DDX20: variants seen among roughly 807,000 people sequenced by gnomAD.
The protein encoded by DDX20 is DEAD-box helicase 20, also known as probable ATP-dependent RNA helicase DDX20.
In DDX20, 61 loss-of-function variants were observed where a neutral mutation model predicts 76.4. That is an observed-to-expected ratio of 0.80 (90% CI 0.65 to 0.99). DDX20 has a LOEUF of 0.99. DDX20 is among the 50% of genes least tolerant of loss of function. The pLI is 0.00. For missense variants in DDX20, 976 were observed against 996.8 expected, an observed-to-expected ratio of 0.98 and a Z score of 0.28; for synonymous variants, 357 against 357.4, an observed-to-expected ratio of 1.00 and a Z score of 0.01.
rs1357804147 is a variant in DDX20 at position 111,766,719 on chromosome 1, T to G, written c.2295T>G (p.Ser765Arg). Residue 765 changes from serine to arginine, a missense_variant, in exon 11 of 11, where the codon AGT (serine) becomes AGG (arginine). Physicochemically the swap from Ser to Arg is moderately radical, Grantham distance 110. Coordinates refer to ENST00000369702, the MANE Select transcript of DDX20 (RefSeq NM_007204.5). The stretch of plus-strand genomic sequence containing the variant: ...ACTGTCATAGGGAAATACGTCTGAG[T>G]TTTTCTGATACCTATCAGGATTATG... Reference protein sequence around the residue: ...WYDCHREIRLSFSDTYQDYEE... With the variant: ...WYDCHREIRLRFSDTYQDYEE... 6.2e-7 allele frequency: 1 copy of G among 1,613,836 alleles called. No homozygotes were observed. The highest frequency in any genetic ancestry group is 8.5e-7 in the Non-Finnish European group (1 of 1,179,908).
intron 2 of DDX20, among the ~76,000 whole-genome samples, chr1:111,757,701 C>A (rs953923210): frequency 3.9e-5 from 6 of 152,234 alleles, no homozygotes; most frequent in African/African-American, 1.4e-4. Context: ...TTGAGTCCAT[C>A]TTATGTCTAC....
Position 111,765,961 on chromosome 1 carries a change from A to G in DDX20, c.1537A>G (p.Lys513Glu), listed in dbSNP as rs778492452. Residue 513 changes from lysine to glutamate, a missense_variant, in exon 11 of 11, where the codon AAA becomes GAA. By Grantham distance (56) the Lys-to-Glu change is moderately conservative (BLOSUM62 1). Around this residue, in one of 3 missense-constraint regions of DDX20, gnomAD observed 630 missense variants for 693.7 expected, o/e 0.91. Transcript: ENST00000369702. The part of the protein sequence containing the change: ...GLSVKSKNNT[K>E]QKLPVKSHSE... ...ATCAGTCAAATCAAAAAATAATACC[A>G]AACAAAAGCTTCCTGTGAAAAGCCA... 4 of 1,613,402 alleles carry G rather than the reference A, an allele frequency of 2.5e-6. No individual in the cohort carries two copies. The highest frequency in any genetic ancestry group is 3.4e-6 in the Non-Finnish European group (4 of 1,179,892).
At position 111,756,710 on chromosome 1, in the gene DDX20, C is replaced by G. The variant is rs764544043; in HGVS notation, c.366C>G (p.Asp122Glu). 8.1e-6 allele frequency: 13 copies of G among 1,614,142 alleles called. No individual in the cohort carries two copies. The highest frequency in any genetic ancestry group is 3.3e-4 in the Middle Eastern group (2 of 6,062). ...GTGTGTTCTCCACCATAGCTTTGGA[C>G]TCTCTTGTTCTTGAAAACTTAAGTA... The part of the protein sequence containing the change: ...KTCVFSTIAL[D>E]SLVLENLSTQ... The change falls in exon 2 of 11, where the codon GAC (aspartate) becomes GAG (glutamate). Residue 122 changes from aspartate (D) to glutamate (E), a missense_variant. By Grantham distance (45) the Asp-to-Glu change is conservative. Around this residue, in one of 3 missense-constraint regions of DDX20, gnomAD observed 343 missense variants for 286.4 expected, o/e 1.20. Transcript: ENST00000369702.
In DDX20 at chr1:111,756,592, C is replaced by T. The variant is rs1217347652; in HGVS notation, c.302-54C>T. The T allele has an allele frequency of 2.7e-6, 4 of 1,472,952 alleles. No homozygotes were observed. In the African/African-American group the frequency reaches 5.6e-5, roughly 20 times the overall value. 91.2% of individuals were successfully genotyped at this position (1,472,952 alleles called of 1,614,324 possible). On this transcript the variant is annotated intron_variant, in intron 1 of 10. Coordinates refer to ENST00000369702, the MANE Select transcript of DDX20 (RefSeq NM_007204.5). ...CTAGTTCTCTGATTCCATGTTAGCC[C>T]CTAAGTTGCTTCAGTGAGTACTGGC... is the stretch of plus-strand genomic sequence containing the variant.
In DDX20 at chr1:111,766,968, A is replaced by G; in HGVS notation, c.*69A>G. On this transcript the variant is annotated 3_prime_UTR_variant, in exon 11 of 11. Transcript: ENST00000369702. ...TACCTTTGGATATCCATCCTCCTCG[A>G]CTTATAGTACAGTGGTGTATAGTGG... 7.9e-7 allele frequency: 1 copy of G among 1,272,912 alleles called. No homozygotes were observed. Among genetic ancestry groups the G allele is most frequent in the East Asian group, 2.3e-5 (1 of 42,978 alleles). The allele number at this position is 1,272,912 out of a possible 1,614,324, so 78.9% of individuals were successfully genotyped here.
rs1459392791 is a variant in DDX20 at position 111,767,978 on chromosome 1, G to T, written c.*1079G>T. ...TGATGCATCTGTAAATTACGATTTA[G>T]AAAAATATAATTGGAAATTACATAT... On this transcript the variant is annotated 3_prime_UTR_variant, in exon 11 of 11. Coordinates refer to ENST00000369702, the MANE Select transcript of DDX20 (RefSeq NM_007204.5). 1 of 152,134 alleles carries T rather than the reference G, an allele frequency of 6.6e-6. No individual in the cohort carries two copies. Among genetic ancestry groups the T allele is most frequent in the African/African-American group, 2.4e-5 (1 of 41,422 alleles). The allele number at this position is 152,134 out of a possible 1,614,324, so 9.4% of individuals were successfully genotyped here.
Position 111,766,377 on chromosome 1 carries a change from C to G in DDX20, c.1953C>G (p.Asp651Glu), listed in dbSNP as rs924945095. The change falls in exon 11 of 11, where the codon GAC becomes GAG. Residue 651 changes from aspartate to glutamate, a missense_variant. Asp to Glu is a conservative substitution (Grantham distance 45, BLOSUM62 2). Around this residue, in one of 3 missense-constraint regions of DDX20, gnomAD observed 630 missense variants for 693.7 expected, o/e 0.91. Coordinates refer to ENST00000369702, the MANE Select transcript of DDX20 (RefSeq NM_007204.5). ...TGGCAAGTAGTAGCCAATCTGGAGA[C>G]TCTGAGAGTGACAGTGATTCTTACA... Reference protein sequence around the residue: ...PVLASSSQSGDSESDSDSYSS... With the variant: ...PVLASSSQSGESESDSDSYSS... 6 of 1,614,050 alleles carry G rather than the reference C, an allele frequency of 3.7e-6. No homozygotes were observed. In the Admixed American group the frequency reaches 5.0e-5, roughly 13 times the overall value.
chr1:111,764,816 A>AGTAACAACT (rs1663746335), intron 10 of DDX20, among the ~76,000 whole-genome samples: 1 of 152,222 alleles, frequency 6.6e-6, no homozygotes, highest in Non-Finnish European at 1.5e-5. Flanking sequence ...GTGTAACAAC[A>AGTAACAACT]GATGTTCAGA....
intron 2 of DDX20, among the ~76,000 whole-genome samples, chr1:111,758,307 C>G (rs1663605829): frequency 1.3e-5 from 2 of 150,096 alleles, no homozygotes; most frequent in Admixed American, 1.3e-4. Context: ...ATCTTACTAC[C>G]TAGAGAGAAA....
Position 111,765,869 on chromosome 1 carries a change from C to T in DDX20, c.1445C>T (p.Thr482Ile), listed in dbSNP as rs1278560926. 2 of 1,613,974 alleles carry T rather than the reference C, an allele frequency of 1.2e-6. No homozygotes were observed. Among genetic ancestry groups the T allele is most frequent in the African/African-American group, 2.7e-5 (2 of 74,890 alleles). ...AAGCAAATTCAGAAAATAGAGAGAA[C>T]CCTTCAAATTCAGAAAGCTCATGGT... ...LKKQIQKIER[T>I]LQIQKAHGDH... The change falls in exon 11 of 11, where the codon ACC (threonine) becomes ATC (isoleucine). Residue 482 changes from threonine to isoleucine, a missense_variant. Transcript: ENST00000369702.
chr1:111,762,287 A>G lies in DDX20; in HGVS notation c.1054A>G (p.Met352Val), dbSNP rs150295248. The G allele has an allele frequency of 4.7e-4, 752 of 1,613,496 alleles. 3 individuals are homozygous for G. In the African/African-American group the frequency reaches 5.8e-3, roughly 12 times the overall value. The change falls in exon 8 of 11, where the codon ATG (methionine) becomes GTG (valine). Residue 352 changes from methionine to valine, a missense_variant. By Grantham distance (21) the Met-to-Val change is conservative (BLOSUM62 1). Around this residue, in one of 3 missense-constraint regions of DDX20, gnomAD observed 630 missense variants for 693.7 expected, o/e 0.91. Coordinates refer to ENST00000369702, the MANE Select transcript of DDX20 (RefSeq NM_007204.5). Reference sequence around the variant, plus strand: ...GAATCAGAATCAGCGTCTTGATGCTATGGCTAAACTGAAGCACTTTCATTG... The same window carrying G: ...GAATCAGAATCAGCGTCTTGATGCTGTGGCTAAACTGAAGCACTTTCATTG... Reference protein sequence around the residue: ...NMNQNQRLDAMAKLKHFHCRV... With the variant: ...NMNQNQRLDAVAKLKHFHCRV...
intron 10 of DDX20, 56 bp downstream of exon 10, chr1:111,763,063 A>C: frequency 7.4e-7 from 1 of 1,359,092 alleles, no homozygotes; most frequent in Non-Finnish European, 1.0e-6. Context: ...TAAGCATAAT[A>C]AAAATGATAA....
At chr1:111,757,868 T>G (rs1479688498) in intron 2 of DDX20, among the ~76,000 whole-genome samples, 1 of 148,464 alleles carries the variant, frequency 6.7e-6, no homozygotes, top group African/African-American at 2.5e-5. Flanking sequence ...CAACTCATTT[T>G]TTTTTGAGAC....
At position 111,759,586 on chromosome 1, in the gene DDX20, G is replaced by T. The variant is rs560170; in HGVS notation, c.565+18G>T. ...ATCTCCTGGTAAGATAACAATGCCTGTTGGTAACCAGGGCTTTTAAGGAAC... is the reference window on the plus strand; with the variant it reads ...ATCTCCTGGTAAGATAACAATGCCTTTTGGTAACCAGGGCTTTTAAGGAAC... On this transcript the variant is annotated intron_variant, in intron 3 of 10. Transcript: ENST00000369702. The T allele has an allele frequency of 0.14, 219,708 of 1,601,394 alleles. 16,265 individuals carry two copies. Among genetic ancestry groups the T allele is most frequent in the Admixed American group, 0.24 (13,905 of 57,756 alleles).
In DDX20 at chr1:111,764,799, G is replaced by A. The variant is rs115698331; in HGVS notation, c.1313-938G>A. Among the ~76,000 whole-genome samples, 1,230 of 152,242 alleles carry A rather than the reference G, an allele frequency of 8.1e-3. 15 individuals are homozygous for A. The highest frequency in any genetic ancestry group is 0.027 in the African/African-American group (1,127 of 41,540). On this transcript the variant is annotated intron_variant, in intron 10 of 10. Coordinates refer to ENST00000369702, the MANE Select transcript of DDX20 (RefSeq NM_007204.5). The stretch of plus-strand genomic sequence containing the variant: ...ATGCTGTTAGGTCTGTATTGGACTG[G>A]GAACTTGTGTAACAACAGATGTTCA...
In DDX20 at chr1:111,759,818, C is replaced by T. The variant is rs568767946; in HGVS notation, c.565+250C>T. Among the ~76,000 whole-genome samples, 10 of 150,978 alleles carry T rather than the reference C, an allele frequency of 6.6e-5. No homozygotes were observed. In the South Asian group the frequency reaches 1.9e-3, roughly 29 times the overall value. On this transcript the variant is annotated intron_variant, in intron 3 of 10. Coordinates refer to ENST00000369702, the MANE Select transcript of DDX20 (RefSeq NM_007204.5). ...TGAAACCCCGTCTCTACTAAAAATACAAAAAATTAGCCGGGCGTGGTAGCG... is the reference window on the plus strand; with the variant it reads ...TGAAACCCCGTCTCTACTAAAAATATAAAAAATTAGCCGGGCGTGGTAGCG...
chr1:111,765,380 G>A (rs1163738930), intron 10 of DDX20, among the ~76,000 whole-genome samples: 1 of 152,116 alleles, frequency 6.6e-6, no homozygotes, highest in Non-Finnish European at 1.5e-5. Context: ...CTAATATCTT[G>A]TTTTGCTGTC....
rs745628691 is a variant in DDX20, at chr1:111,766,665, G to T, written c.2241G>T (p.Gln747His). ...CCAGGCGGTCTTCCTTCAGATTGCAGACTGAAGCCCAGGAAGATGATTGGT... is the reference window on the plus strand; with the variant it reads ...CCAGGCGGTCTTCCTTCAGATTGCATACTGAAGCCCAGGAAGATGATTGGT... Reference protein sequence around the residue: ...NLPRRSSFRLQTEAQEDDWYD... With the variant: ...NLPRRSSFRLHTEAQEDDWYD... The change falls in exon 11 of 11, where the codon CAG becomes CAT. Residue 747 changes from glutamine to histidine, a missense_variant. Transcript: ENST00000369702. 19 of 1,614,170 alleles carry T rather than the reference G, an allele frequency of 1.2e-5. 1 individual carries two copies. The South Asian group carries it at 2.1e-4, about 18-fold the overall frequency.
In DDX20 at chr1:111,756,069, C is replaced by G; in HGVS notation, c.145C>G (p.Pro49Ala). The part of the protein sequence containing the change: ...ILRTAQDLSS[P>A]RTRTGDVLLA... ...GCGGACCGCTCAGGATCTCAGCAGC[C>G]CGCGGACCCGCACGGGGGATGTGCT... The change falls in exon 1 of 11, where the codon CCG becomes GCG. Residue 49 changes from proline to alanine, a missense_variant. By Grantham distance (27) the Pro-to-Ala change is conservative. Around this residue, in one of 3 missense-constraint regions of DDX20, gnomAD observed 343 missense variants for 286.4 expected, o/e 1.20. Coordinates refer to ENST00000369702, the MANE Select transcript of DDX20 (RefSeq NM_007204.5). The G allele has an allele frequency of 6.2e-7, 1 of 1,607,458 alleles. No individual in the cohort carries two copies. Among genetic ancestry groups the G allele is most frequent in the Non-Finnish European group, 8.5e-7 (1 of 1,179,308 alleles).
Sources: gnomAD v4.1 joint callset for allele counts (sites outside exome capture counted in the v4.1 genomes callset) on GRCh38, gnomAD v4.1.1 for gene constraint, gnomAD v4.1.1 regional missense constraint, MANE v1.5 for transcripts, NCBI Gene and HGNC (gene_info 2026-07-23, HGNC 2026-07-21) for gene names.